The following RNF2 variants were observed in gnomAD, a reference collection of about 807,000 sequenced individuals.
RNF2 encodes the protein ring finger protein 2.
A neutral mutation model predicts 37.2 loss-of-function variants in RNF2; 6 were observed. The observed-to-expected ratio is 0.16, with a 90% CI of 0.09 to 0.32. The LOEUF is 0.32. RNF2 is among the 10% of genes least tolerant of loss of function. The pLI, the probability that RNF2 is intolerant of heterozygous loss-of-function variation, is 1.00. For missense variants in RNF2, 251 were observed against 404.0 expected, an observed-to-expected ratio of 0.62 and a Z score of 3.25; for synonymous variants, 133 against 132.7, an observed-to-expected ratio of 1.00 and a Z score of -0.02.
chr1:185,083,361 AT>A (rs1413871749), intron 1 of RNF2, among the ~76,000 whole-genome samples: 2 of 152,036 alleles, frequency 1.3e-5, no homozygotes, highest in Non-Finnish European at 2.9e-5. Context: ...TTCCATTTTA[AT>A]TTTATTTTAT....
At chr1:185,074,308 A>G (rs1363739470) in intron 1 of RNF2, among the ~76,000 whole-genome samples, 3 of 152,190 alleles carry the variant, frequency 2.0e-5, no homozygotes, top group African/African-American at 7.2e-5. Flanking sequence ...ATTGGGAATT[A>G]GCTGGATCTC....
At chr1:185,076,596 GTT>G (rs59705922) in intron 1 of RNF2, among the ~76,000 whole-genome samples, 7 of 142,904 alleles carry the variant, frequency 4.9e-5, no homozygotes, top group African/African-American at 1.8e-4. Context: ...TTATTTTATG[GTT>G]TTTTTTTTTA....
At chr1:185,062,199 G>A (rs1400949381) in intron 1 of RNF2, among the ~76,000 whole-genome samples, 7 of 152,202 alleles carry the variant, frequency 4.6e-5, no homozygotes, top group African/African-American at 1.7e-4. Context: ...TGTGGGGATA[G>A]TGTTCTCATT....
chr1:185,081,313 G>A (rs1651341878), intron 1 of RNF2, among the ~76,000 whole-genome samples: 1 of 152,108 alleles, frequency 6.6e-6, no homozygotes, highest in African/African-American at 2.4e-5. Context: ...AAGTTGTCAA[G>A]ATGCTTGAAG....
At chr1:185,074,536 C>CT (rs1348925316) in intron 1 of RNF2, among the ~76,000 whole-genome samples, 1 of 152,006 alleles carries the variant, frequency 6.6e-6, no homozygotes, top group Non-Finnish European at 1.5e-5. Context: ...TCCTCTCACC[C>CT]TTATGACTCA....
chr1:185,051,870 A>G (rs565061083), intron 1 of RNF2, among the ~76,000 whole-genome samples: 2 of 149,118 alleles, frequency 1.3e-5, no homozygotes, highest in East Asian at 3.9e-4. Context: ...ATGCATATAT[A>G]TATGTAAAAA....
chr1:185,076,265 G>GTTTTTTTTTTTTTTT (rs1557967374), intron 1 of RNF2, among the ~76,000 whole-genome samples: 3 of 39,540 alleles, frequency 7.6e-5, no homozygotes, highest in African/African-American at 2.5e-4. Context: ...TCTTTTATGG[G>GTTTTTTTTTTTTTTT]TTGTTTTTTT....
At chr1:185,072,876 G>A (rs1651027005) in intron 1 of RNF2, among the ~76,000 whole-genome samples, 1 of 152,170 alleles carries the variant, frequency 6.6e-6, no homozygotes, top group South Asian at 2.1e-4. Flanking sequence ...CGAGATGGAA[G>A]TTGCAGTGAG....
At chr1:185,084,115 AT>A (rs1012630160) in intron 1 of RNF2, among the ~76,000 whole-genome samples, 1 of 150,590 alleles carries the variant, frequency 6.6e-6, no homozygotes, top group Admixed American at 6.6e-5. Flanking sequence ...CTAATTTTTA[AT>A]TTTTTTTTGA....
At chr1:185,065,474 C>T (rs1271959751) in intron 1 of RNF2, among the ~76,000 whole-genome samples, 1 of 152,222 alleles carries the variant, frequency 6.6e-6, no homozygotes, top group Non-Finnish European at 1.5e-5. Flanking sequence ...GTCGGCACTA[C>T]TACCTTTATG....
At position 185,091,508 on chromosome 1, in the gene RNF2, C is replaced by T. The variant is rs950626399; in HGVS notation, c.88-71C>T. ...ATGTTTGTTTTTACCATTTCCAGTA[C>T]TTTTATATGTTTGAGCTTGTCCATA... On this transcript the variant is annotated intron_variant, in intron 2 of 6. Coordinates refer to ENST00000367510, the MANE Select transcript of RNF2 (RefSeq NM_007212.4). 3 of 1,459,470 alleles carry T rather than the reference C, an allele frequency of 2.1e-6. No individual in the cohort carries two copies. The South Asian group carries it at 3.7e-5, about 18-fold the overall frequency. The allele number at this position is 1,459,470 out of a possible 1,614,324, so 90.4% of individuals were successfully genotyped here. A position where few individuals can be genotyped will look rare whatever the true frequency, so the allele number is the denominator to read the frequency against.
intron 5 of RNF2, among the ~76,000 whole-genome samples, chr1:185,099,144 C>T (rs1652004635): frequency 1.4e-5 from 2 of 146,026 alleles, no homozygotes; most frequent in South Asian, 4.4e-4. Context: ...CTTTGCCTCC[C>T]GAGTTCAAGC....
chr1:185,054,005 C>T (rs1297837038), intron 1 of RNF2, among the ~76,000 whole-genome samples: 1 of 152,126 alleles, frequency 6.6e-6, no homozygotes, highest in Non-Finnish European at 1.5e-5. Context: ...TCCCCCCCCA[C>T]CCAGTGTTTC....
At chr1:185,061,537 T>C (rs934722007) in intron 1 of RNF2, among the ~76,000 whole-genome samples, 45 of 152,162 alleles carry the variant, frequency 3.0e-4, no homozygotes, top group Non-Finnish European at 5.4e-4. Context: ...CAAATACATA[T>C]GCAATTATGG....
At chr1:185,098,047 G>T (rs1571329066) in intron 4 of RNF2, 25 bp from the exon 5 acceptor site, 1 of 1,605,344 alleles carries the variant, frequency 6.2e-7, no homozygotes. Context: ...TAAATTTTAT[G>T]CATCCTTTTT....
intron 1 of RNF2, among the ~76,000 whole-genome samples, chr1:185,064,913 G>GT (rs943050511): frequency 1.3e-5 from 2 of 151,798 alleles, no homozygotes; most frequent in South Asian, 2.1e-4. Flanking sequence ...TGATTGTTTT[G>GT]TTTTTTTCTT....
chr1:185,066,305 C>A (rs935513731), intron 1 of RNF2, among the ~76,000 whole-genome samples: 4 of 152,282 alleles, frequency 2.6e-5, no homozygotes, highest in African/African-American at 7.2e-5. Flanking sequence ...GTACTCCCCA[C>A]CTTCTTTTCC....
chr1:185,098,787 C>G (rs1011462550), intron 5 of RNF2, among the ~76,000 whole-genome samples: 2 of 151,540 alleles, frequency 1.3e-5, no homozygotes, highest in African/African-American at 4.9e-5. Context: ...GAGCCTTGCT[C>G]TGTCGCCAGG....
rs1652075845 is a variant in RNF2, at chr1:185,101,516, T to A, written c.*1215T>A. 6.6e-6 allele frequency: 1 copy of A among 152,516 alleles called. No homozygotes were observed. The highest frequency in any genetic ancestry group is 2.1e-4 in the South Asian group (1 of 4,826). 9.4% of individuals were successfully genotyped at this position (152,516 alleles called of 1,614,324 possible). Reference sequence around the variant, plus strand: ...GGAGCCAGAAAGCTTTGTTGACAGATCAGAAATAAGATTGACTTGGGTGTT... The same window carrying A: ...GGAGCCAGAAAGCTTTGTTGACAGAACAGAAATAAGATTGACTTGGGTGTT... On this transcript the variant is annotated 3_prime_UTR_variant, in exon 7 of 7. Coordinates refer to ENST00000367510, the MANE Select transcript of RNF2 (RefSeq NM_007212.4).
Sources: gnomAD v4.1 joint callset for allele counts (sites outside exome capture counted in the v4.1 genomes callset) on GRCh38, gnomAD v4.1.1 for gene constraint, MANE v1.5 for transcripts, NCBI Gene and HGNC (gene_info 2026-07-23, HGNC 2026-07-21) for gene names.